TRIM71: variants seen among roughly 807,000 people sequenced by gnomAD.
The protein encoded by TRIM71 is tripartite motif containing 71.
TRIM71 carries 9 observed loss-of-function variants against 61.2 expected under a neutral mutation model. That is an observed-to-expected ratio of 0.15 (90% CI 0.09 to 0.26). The LOEUF (loss-of-function observed/expected upper bound fraction) is 0.26. Ranked by LOEUF, TRIM71 falls within the 10% of genes least tolerant of loss-of-function variation. The pLI, the probability that TRIM71 is intolerant of heterozygous loss-of-function variation, is 1.00. For missense variants in TRIM71, 998 were observed against 1,238.7 expected, an observed-to-expected ratio of 0.81 and a Z score of 2.92; for synonymous variants, 645 against 553.2, an observed-to-expected ratio of 1.17 and a Z score of -2.33.
intron 1 of TRIM71, among the ~76,000 whole-genome samples, chr3:32,864,343 T>C (rs1696706078): frequency 6.6e-6 from 1 of 152,184 alleles, no homozygotes; most frequent in African/African-American, 2.4e-5. Context: ...CAAGCACAGG[T>C]GTGGCACTCT....
At chr3:32,854,186 G>A (rs1696571763) in intron 1 of TRIM71, among the ~76,000 whole-genome samples, 1 of 152,116 alleles carries the variant, frequency 6.6e-6, no homozygotes, top group South Asian at 2.1e-4. Flanking sequence ...AGACTCAGAG[G>A]TCTCACTATA....
At chr3:32,839,918 A>C (rs1696385086) in intron 1 of TRIM71, among the ~76,000 whole-genome samples, 1 of 152,198 alleles carries the variant, frequency 6.6e-6, no homozygotes. Context: ...ACTGGGAAGC[A>C]CTTTGCTGAG....
At chr3:32,827,671 T>C (rs1358078364) in intron 1 of TRIM71, among the ~76,000 whole-genome samples, 3 of 152,172 alleles carry the variant, frequency 2.0e-5, no homozygotes, top group Non-Finnish European at 4.4e-5. Flanking sequence ...CAAAAAAGAA[T>C]AAAGTGGGTG....
intron 1 of TRIM71, among the ~76,000 whole-genome samples, chr3:32,868,135 G>C (rs916942726): frequency 6.6e-6 from 1 of 152,044 alleles, no homozygotes. Flanking sequence ...ACCCAAGCAG[G>C]AGTAGATCTT....
chr3:32,840,710 C>G (rs1181719435), intron 1 of TRIM71, among the ~76,000 whole-genome samples: 1 of 152,158 alleles, frequency 6.6e-6, no homozygotes, highest in Admixed American at 6.5e-5. Flanking sequence ...AGGAATTCCT[C>G]CCTGGGCTCT....
At chr3:32,861,176 GTAAA>G (rs1478505407) in intron 1 of TRIM71, among the ~76,000 whole-genome samples, 1 of 150,894 alleles carries the variant, frequency 6.6e-6, no homozygotes, top group Admixed American at 6.6e-5. Context: ...ATAAAATAAA[GTAAA>G]TAATCTTTTT....
chr3:32,870,844 G>T (rs1362717440), intron 1 of TRIM71, among the ~76,000 whole-genome samples: 2 of 152,126 alleles, frequency 1.3e-5, no homozygotes, highest in Non-Finnish European at 2.9e-5. Context: ...TGCACTCTTA[G>T]CCCGTGTTGC....
chr3:32,883,485 C>G (rs1411558708), intron 2 of TRIM71, among the ~76,000 whole-genome samples: 1 of 152,236 alleles, frequency 6.6e-6, no homozygotes, highest in African/African-American at 2.4e-5. Flanking sequence ...GCATCAGTTT[C>G]CGTTTCTGCT....
In TRIM71 at chr3:32,886,593, A is replaced by G. The variant is rs115527379; in HGVS notation, c.1155+525A>G. 7.5e-3 allele frequency among the ~76,000 whole-genome samples: 1,144 copies of G among 152,310 alleles called. 18 individuals are homozygous for G. Among genetic ancestry groups the G allele is most frequent in the African/African-American group, 0.026 (1,076 of 41,574 alleles). On this transcript the variant is annotated intron_variant, in intron 3 of 3. Coordinates refer to ENST00000383763, the MANE Select transcript of TRIM71 (RefSeq NM_001039111.3). ...TTGCCCCACCCAAGCCAGCATTCCA[A>G]CTGTTCCTTTTCTGATTTTATGTCC...
chr3:32,882,502 T>C (rs1696920236), intron 2 of TRIM71, among the ~76,000 whole-genome samples: 1 of 152,076 alleles, frequency 6.6e-6, no homozygotes, highest in South Asian at 2.1e-4. Context: ...GAAAAGGACT[T>C]CTTCCCTTTT....
intron 3 of TRIM71, among the ~76,000 whole-genome samples, chr3:32,887,670 A>G (rs913329226): frequency 1.3e-5 from 2 of 151,940 alleles, no homozygotes; most frequent in African/African-American, 2.4e-5. Flanking sequence ...CTTGGGCCTT[A>G]TGTATTTCCA....
intron 1 of TRIM71, among the ~76,000 whole-genome samples, chr3:32,826,305 A>G (rs915255887): frequency 5.3e-5 from 8 of 152,138 alleles, no homozygotes; most frequent in Admixed American, 2.6e-4. Context: ...TCAAAATACA[A>G]AAATTAGCCG....
chr3:32,873,063 T>TCTCCCTCCCTCCCTCCCTC (rs1553646353), intron 1 of TRIM71, among the ~76,000 whole-genome samples: 1 of 83,592 alleles, frequency 1.2e-5, no homozygotes, highest in African/African-American at 4.6e-5. Flanking sequence ...TTCTCTCTCT[T>TCTCCCTCCCTCCCTCCCTC]CCTCCCTCCC....
chr3:32,867,642 C>A (rs915357043), intron 1 of TRIM71, among the ~76,000 whole-genome samples: 1 of 152,098 alleles, frequency 6.6e-6, no homozygotes, highest in African/African-American at 2.4e-5. Flanking sequence ...TTATTGTGTA[C>A]AACATGTTTT....
At chr3:32,833,611 C>T (rs575996892) in intron 1 of TRIM71, among the ~76,000 whole-genome samples, 2 of 151,872 alleles carry the variant, frequency 1.3e-5, no homozygotes, top group Admixed American at 6.6e-5. Flanking sequence ...TGAGTACAGG[C>T]TGCAGGAGTA....
At chr3:32,818,989 A>G in intron 1 of TRIM71, 57 bp downstream of exon 1, 1 of 1,578,056 alleles carries the variant, frequency 6.3e-7, no homozygotes, top group Non-Finnish European at 8.6e-7. Context: ...TGTGCTCAAC[A>G]GCGTTTCCCG....
intron 1 of TRIM71, among the ~76,000 whole-genome samples, chr3:32,862,670 C>T (rs1372066058): frequency 6.6e-6 from 1 of 152,202 alleles, no homozygotes; most frequent in Non-Finnish European, 1.5e-5. Context: ...ATCTGTCTTT[C>T]GTGTCCAGTT....
intron 1 of TRIM71, among the ~76,000 whole-genome samples, chr3:32,849,444 G>A (rs975456851): frequency 2.6e-5 from 4 of 151,570 alleles, no homozygotes; most frequent in Admixed American, 6.6e-5. Flanking sequence ...CTGCAACCTC[G>A]GCCTCCAGGC....
chr3:32,875,015 T>G (rs1386848146), intron 2 of TRIM71, among the ~76,000 whole-genome samples: 1 of 152,078 alleles, frequency 6.6e-6, no homozygotes, highest in Non-Finnish European at 1.5e-5. Context: ...GAGACGGGGT[T>G]TCACCTTGCT....
Sources: allele counts gnomAD v4.1 joint callset (sites outside exome capture counted in the v4.1 genomes callset), GRCh38; gene constraint gnomAD v4.1.1; transcripts MANE v1.5; gene names NCBI Gene and HGNC (gene_info 2026-07-23, HGNC 2026-07-21).